Variants in TMEM30A observed in about 807,000 individuals in gnomAD.
TMEM30A encodes the protein cell division cycle 50 P4-ATPase accessory subunit A.
A neutral mutation model predicts 38.2 loss-of-function variants in TMEM30A; 24 were observed. The ratio of observed to expected loss-of-function variants is 0.63; its 90% CI spans 0.46 to 0.88. TMEM30A has a LOEUF of 0.88. Among genes scored for constraint, TMEM30A ranks in the 40% least tolerant of loss-of-function variants. TMEM30A has a pLI of 0.00. For synonymous variants in TMEM30A, 145 were observed against 161.6 expected, an observed-to-expected ratio of 0.90 and a Z score of 0.78; for missense variants, 370 against 458.6, an observed-to-expected ratio of 0.81 and a Z score of 1.77.
intron 1 of TMEM30A, among the ~76,000 whole-genome samples, chr6:75,278,545 G>A (rs537596736): frequency 5.9e-5 from 9 of 152,214 alleles, no homozygotes; most frequent in African/African-American, 1.7e-4. Context: ...CTTCCATGCC[G>A]AACTGTAAGC....
At chr6:75,261,507 A>C (rs1771963756) in intron 3 of TMEM30A, among the ~76,000 whole-genome samples, 1 of 152,228 alleles carries the variant, frequency 6.6e-6, no homozygotes, top group Non-Finnish European at 1.5e-5. Flanking sequence ...ACAAGGCAGA[A>C]CATTTGCCTG....
At position 75,284,773 on chromosome 6, in the gene TMEM30A, T is replaced by C; in HGVS notation, c.-135A>G. The stretch of plus-strand genomic sequence containing the variant: ...CACCAGCGCCACCGCCACAGCCACC[T>C]CCGCTGTAGAGCGGAAGAGGCGGGA... On this transcript the variant is annotated 5_prime_UTR_variant, in exon 1 of 7. Coordinates refer to ENST00000230461, the MANE Select transcript of TMEM30A (RefSeq NM_018247.4). 1 of 817,830 alleles carries C rather than the reference T, an allele frequency of 1.2e-6. No homozygotes were observed. The highest frequency in any genetic ancestry group is 2.0e-6 in the Non-Finnish European group (1 of 490,196). 50.7% of individuals were successfully genotyped at this position (817,830 alleles called of 1,614,324 possible).
chr6:75,276,074 A>G (rs919876511), intron 1 of TMEM30A, among the ~76,000 whole-genome samples: 1 of 152,198 alleles, frequency 6.6e-6, no homozygotes, highest in African/African-American at 2.4e-5. Flanking sequence ...AGCCTTCATG[A>G]AAACTCAAAA....
chr6:75,256,050 A>G lies in TMEM30A; in HGVS notation c.*52T>C. On this transcript the variant is annotated 3_prime_UTR_variant, in exon 7 of 7. Coordinates refer to ENST00000230461, the MANE Select transcript of TMEM30A (RefSeq NM_018247.4). Reference sequence around the variant, plus strand: ...ATATCAGCATTCGAAAGCTAGGTTGAATAGGACTGGCCTTGATGCACATGC... The same window carrying G: ...ATATCAGCATTCGAAAGCTAGGTTGGATAGGACTGGCCTTGATGCACATGC... 1 of 1,310,292 alleles carries G rather than the reference A, an allele frequency of 7.6e-7. No individual in the cohort carries two copies. Among genetic ancestry groups the G allele is most frequent in the Non-Finnish European group, 1.1e-6 (1 of 944,924 alleles). The allele number at this position is 1,310,292 out of a possible 1,614,324, so 81.2% of individuals were successfully genotyped here.
At chr6:75,279,737 T>C (rs1772326559) in intron 1 of TMEM30A, among the ~76,000 whole-genome samples, 1 of 152,176 alleles carries the variant, frequency 6.6e-6, no homozygotes, top group African/African-American at 2.4e-5. Flanking sequence ...TAAAAATACA[T>C]TATATTTCTA....
chr6:75,263,748 C>G (rs182597230), intron 3 of TMEM30A, among the ~76,000 whole-genome samples: 16 of 152,290 alleles, frequency 1.1e-4, no homozygotes, highest in African/African-American at 3.8e-4. Context: ...GATAATAAGG[C>G]TGATGCCAGA....
rs1270284538 is a variant in TMEM30A at position 75,284,536 on chromosome 6, G to A, written c.103C>T (p.Gln35Ter). The change falls in exon 1 of 7, where the codon CAG (glutamine) becomes TAG (stop). Residue 35 changes from glutamine to a stop codon, truncating the protein, a stop_gained. Transcript: ENST00000230461. LOFTEE classifies it high-confidence loss of function. Reference protein sequence around the residue: ...TRRPDNTAFKQQRLPAWQPIL... With the variant: ...TRRPDNTAFK ...GGCTGCCAAGCTGGCAGCCGTTGCT[G>A]TTTGAAGGCCGTGTTATCCGGTCTC... 3 of 1,612,406 alleles carry A rather than the reference G, an allele frequency of 1.9e-6. No individual in the cohort carries two copies. Among genetic ancestry groups the A allele is most frequent in the Non-Finnish European group, 2.5e-6 (3 of 1,178,976 alleles).
rs1771919541 is a variant in TMEM30A at position 75,259,077 on chromosome 6, G to A, written c.686-91C>T. ...AACGAATAAATTTGGATAATAAATA[G>A]GGGTTTATTCAAAAGAAGCTTTGCT... On this transcript the variant is annotated intron_variant, in intron 5 of 6. Coordinates refer to ENST00000230461, the MANE Select transcript of TMEM30A (RefSeq NM_018247.4). The A allele has an allele frequency of 2.7e-6, 3 of 1,110,626 alleles. No homozygotes were observed. In the South Asian group the frequency reaches 4.5e-5, roughly 17 times the overall value. The allele number at this position is 1,110,626 out of a possible 1,614,324, so 68.8% of individuals were successfully genotyped here. A position where few individuals can be genotyped will look rare whatever the true frequency, so the allele number is the denominator to read the frequency against.
In TMEM30A at chr6:75,258,717, A is replaced by G; in HGVS notation, c.892+63T>C. On this transcript the variant is annotated intron_variant, in intron 6 of 6. Transcript: ENST00000230461. ...CAAGGTAACATGCCACATAACAGAT[A>G]TAAGGTTGGACTCGACTCCTTTCAA... The G allele has an allele frequency of 2.8e-6, 4 of 1,432,634 alleles. No individual in the cohort carries two copies. The South Asian group carries it at 4.8e-5, about 17-fold the overall frequency. The allele number at this position is 1,432,634 out of a possible 1,614,324, so 88.7% of individuals were successfully genotyped here.
intron 4 of TMEM30A, 66 bp downstream of exon 4, chr6:75,260,758 A>T (rs1360461435): frequency 9.8e-7 from 1 of 1,021,844 alleles, no homozygotes; most frequent in African/African-American, 1.7e-5. Flanking sequence ...CTAAACTATC[A>T]AATCTGTAAT....
Position 75,265,272 on chromosome 6 carries a change from G to C in TMEM30A, c.412C>G (p.Arg138Gly). 6.2e-7 allele frequency: 1 copy of C among 1,611,234 alleles called. No individual in the cohort carries two copies. The highest frequency in any genetic ancestry group is 8.5e-7 in the Non-Finnish European group (1 of 1,178,510). Residue 138 changes from arginine (R) to glycine (G), a missense_variant, in exon 3 of 7, where the codon CGA (arginine) becomes GGA (glycine). Arg to Gly is a moderately radical substitution (Grantham distance 125). Coordinates refer to ENST00000230461, the MANE Select transcript of TMEM30A (RefSeq NM_018247.4). ...TCTCCATTTAGTTGACTATCATCTC[G>C]AGATTTCACGTAACGACGATGGTTT... Reference protein sequence around the residue: ...YQNHRRYVKSRDDSQLNGDSS... With the variant: ...YQNHRRYVKSGDDSQLNGDSS...
At position 75,284,582 on chromosome 6, in the gene TMEM30A, C is replaced by A. The variant is rs1562403494; in HGVS notation, c.57G>T (p.Pro19=). The A allele has an allele frequency of 1.2e-6, 2 of 1,613,620 alleles. No homozygotes were observed. Among genetic ancestry groups the A allele is most frequent in the Non-Finnish European group, 1.7e-6 (2 of 1,179,838 alleles). The part of the protein sequence containing the change: ...DEVDGGPPCA[P]GGTAKTRRPD... ...GTCTCCGAGTCTTCGCGGTGCCCCC[C>A]GGAGCACACGGGGGCCCACCGTCCA... Residue 19 remains proline, a synonymous_variant, in exon 1 of 7, where the codon CCG becomes CCT. Coordinates refer to ENST00000230461, the MANE Select transcript of TMEM30A (RefSeq NM_018247.4).
chr6:75,273,433 G>A (rs1772209055), intron 1 of TMEM30A, among the ~76,000 whole-genome samples: 1 of 151,264 alleles, frequency 6.6e-6, no homozygotes, highest in Admixed American at 6.6e-5. Flanking sequence ...ACCTCCTGGA[G>A]TTCAGTATCT....
Position 75,276,293 on chromosome 6 carries a change from G to A in TMEM30A, c.237+8109C>T, listed in dbSNP as rs562968840. Among the ~76,000 whole-genome samples, 7 of 152,232 alleles carry A rather than the reference G, an allele frequency of 4.6e-5. No individual in the cohort carries two copies. The South Asian group carries it at 8.3e-4, about 18-fold the overall frequency. On this transcript the variant is annotated intron_variant, in intron 1 of 6. Coordinates refer to ENST00000230461, the MANE Select transcript of TMEM30A (RefSeq NM_018247.4). ...AGTGTTTACCTGAGTTCTATGAGCC[G>A]CTCTAGCAAATAAAGCAAACTCAAG...
At position 75,256,114 on chromosome 6, in the gene TMEM30A, G is replaced by A; in HGVS notation, c.1074C>T (p.Asp358=). Residue 358 remains aspartate (D), a synonymous_variant, in exon 7 of 7, where the codon GAC becomes GAT. Coordinates refer to ENST00000230461, the MANE Select transcript of TMEM30A (RefSeq NM_018247.4). ...TCATAATATAAAATTAAATGGTAAT[G>A]TCAGCTGTATTACTACTGTTTCTAT... The part of the protein sequence containing the change: ...HKYRNSSNTA[D]ITI The A allele has an allele frequency of 6.2e-7, 1 of 1,603,878 alleles. No individual in the cohort carries two copies. Among genetic ancestry groups the A allele is most frequent in the Non-Finnish European group, 8.5e-7 (1 of 1,172,570 alleles).
intron 6 of TMEM30A, among the ~76,000 whole-genome samples, chr6:75,258,529 A>G (rs769997111): frequency 6.6e-6 from 1 of 152,194 alleles, no homozygotes; most frequent in Non-Finnish European, 1.5e-5. Context: ...TGTTAATAAA[A>G]CAAGCACCTA....
At chr6:75,267,569 A>G in intron 2 of TMEM30A, 72 bp downstream of exon 2, 2 of 1,035,584 alleles carry the variant, frequency 1.9e-6, no homozygotes, top group Admixed American at 2.5e-5. Flanking sequence ...AATACCTTGT[A>G]AAAGACATTT....
At chr6:75,257,261 T>C (rs1456687990) in intron 6 of TMEM30A, among the ~76,000 whole-genome samples, 2 of 152,208 alleles carry the variant, frequency 1.3e-5, no homozygotes, top group Admixed American at 6.5e-5. Context: ...GAAACAGGCT[T>C]CTGCCATCAT....
chr6:75,283,571 CA>C (rs1406168202), intron 1 of TMEM30A, among the ~76,000 whole-genome samples: 4 of 151,830 alleles, frequency 2.6e-5, no homozygotes, highest in Admixed American at 2.6e-4. Context: ...ATGTCTTACA[CA>C]TTCAGCAAAG....
Sources: allele counts gnomAD v4.1 joint callset (sites outside exome capture counted in the v4.1 genomes callset), GRCh38; gene constraint gnomAD v4.1.1; transcripts MANE v1.5; gene names NCBI Gene and HGNC (gene_info 2026-07-23, HGNC 2026-07-21).